The following SLC8A1 variants were observed in gnomAD, a reference collection of about 807,000 sequenced individuals.
SLC8A1 encodes sodium/calcium exchanger 1.
SLC8A1 carries 18 observed loss-of-function variants against 68.3 expected under a neutral mutation model. The ratio of observed to expected loss-of-function variants is 0.26; its 90% CI spans 0.18 to 0.39. SLC8A1 has a LOEUF of 0.39. Among genes scored for constraint, SLC8A1 ranks in the 10% least tolerant of loss-of-function variants. The pLI is 1.00. For synonymous variants in SLC8A1, 475 were observed against 415.5 expected (o/e 1.14, Z -1.74); for missense variants, 985 against 1,156.7 (o/e 0.85, Z 2.15).
At chr2:40,166,781 T>C (rs948007875) in intron 4 of SLC8A1, among the ~76,000 whole-genome samples, 8 of 152,236 alleles carry the variant, frequency 5.3e-5, no homozygotes, top group Admixed American at 2.6e-4. Context: ...TATTAGTAGT[T>C]TTCATAGCAG....
At chr2:40,320,163 G>GT (rs1225744287) in intron 2 of SLC8A1, among the ~76,000 whole-genome samples, 1 of 151,708 alleles carries the variant, frequency 6.6e-6, no homozygotes, top group African/African-American at 2.4e-5. Context: ...AGTTGCAGGT[G>GT]TTTTTTATTT....
intron 7 of SLC8A1, among the ~76,000 whole-genome samples, chr2:40,137,548 C>T (rs2040750656): frequency 6.6e-6 from 1 of 152,104 alleles, no homozygotes; most frequent in Non-Finnish European, 1.5e-5. Context: ...CTATAATTAC[C>T]TCAGATAGAA....
chr2:40,307,150 C>CACACAA (rs1161101957), intron 2 of SLC8A1, among the ~76,000 whole-genome samples: 1 of 150,606 alleles, frequency 6.6e-6, no homozygotes, highest in African/African-American at 2.5e-5. Context: ...GTGATATACA[C>CACACAA]ACACACACAC....
intron 2 of SLC8A1, among the ~76,000 whole-genome samples, chr2:40,399,755 C>T (rs796946163): frequency 6.6e-6 from 1 of 152,112 alleles, no homozygotes; most frequent in South Asian, 2.1e-4. Flanking sequence ...GTTGCTGAAA[C>T]TGACATAATG....
chr2:40,252,832 A>AAT, intron 2 of SLC8A1, among the ~76,000 whole-genome samples: 1 of 112,808 alleles, frequency 8.9e-6, no homozygotes. Context: ...ATGTATATAC[A>AAT]TGTGTATACA....
chr2:40,390,458 A>G (rs1259260447), intron 2 of SLC8A1, among the ~76,000 whole-genome samples: 1 of 152,144 alleles, frequency 6.6e-6, no homozygotes, highest in Non-Finnish European at 1.5e-5. Context: ...TGGTTCTCCA[A>G]GTAGAGTCCC....
chr2:40,452,522 C>G (rs909789319), upstream of SLC8A1, among the ~76,000 whole-genome samples: 16 of 152,200 alleles, frequency 1.1e-4, no homozygotes, highest in African/African-American at 3.9e-4. Context: ...TTCTTCTCTT[C>G]CGCAGACAGA....
intron 1 of SLC8A1, among the ~76,000 whole-genome samples, chr2:40,493,104 A>G (rs1475413859): frequency 6.6e-6 from 1 of 152,224 alleles, no homozygotes; most frequent in African/African-American, 2.4e-5. Context: ...CCAAATGTCC[A>G]ACAATAATAG....
intron 2 of SLC8A1, among the ~76,000 whole-genome samples, chr2:40,358,153 A>G (rs909459834): frequency 4.6e-5 from 7 of 151,830 alleles, no homozygotes; most frequent in Admixed American, 3.9e-4. Context: ...GCATTTATCC[A>G]TCCACTCATC....
At chr2:40,326,281 G>A (rs757831845) in intron 2 of SLC8A1, among the ~76,000 whole-genome samples, 2 of 152,062 alleles carry the variant, frequency 1.3e-5, no homozygotes, top group African/African-American at 4.8e-5. Flanking sequence ...TGCCTGTGCT[G>A]CTAAACCTCC....
chr2:40,298,430 T>C (rs2070821764), intron 2 of SLC8A1, among the ~76,000 whole-genome samples: 1 of 152,210 alleles, frequency 6.6e-6, no homozygotes, highest in African/African-American at 2.4e-5. Flanking sequence ...ATGGGTTTTA[T>C]GAAGACAGTC....
chr2:40,286,856 G>A (rs1459033068), intron 2 of SLC8A1, among the ~76,000 whole-genome samples: 1 of 152,186 alleles, frequency 6.6e-6, no homozygotes, highest in African/African-American at 2.4e-5. Context: ...TCTGATCAAA[G>A]TTATGATTGA....
chr2:40,407,592 C>T (rs548647605), intron 2 of SLC8A1, among the ~76,000 whole-genome samples: 2 of 152,260 alleles, frequency 1.3e-5, no homozygotes, highest in East Asian at 3.9e-4. Flanking sequence ...GTCCTCTGTC[C>T]TGAAAGAATA....
chr2:40,363,611 T>G (rs1055167239), intron 2 of SLC8A1, among the ~76,000 whole-genome samples: 4 of 152,156 alleles, frequency 2.6e-5, no homozygotes, highest in African/African-American at 9.6e-5. Flanking sequence ...AGTTGTTCAG[T>G]AGTTATTTAT....
intron 1 of SLC8A1, among the ~76,000 whole-genome samples, chr2:40,435,178 C>G (rs764852747): frequency 3.5e-4 from 54 of 152,188 alleles, no homozygotes; most frequent in Non-Finnish European, 1.3e-4. Context: ...GAATTCCCTT[C>G]TATGTAATTC....
chr2:40,141,943 C>T (rs954545436), intron 6 of SLC8A1, among the ~76,000 whole-genome samples: 1 of 152,010 alleles, frequency 6.6e-6, no homozygotes, highest in African/African-American at 2.4e-5. Flanking sequence ...AGATTGGCCT[C>T]AGGAGAAATC....
intron 6 of SLC8A1, among the ~76,000 whole-genome samples, chr2:40,154,609 G>C (rs1228159461): frequency 6.6e-6 from 1 of 150,554 alleles, no homozygotes; most frequent in South Asian, 2.1e-4. Context: ...TTACAGGTGT[G>C]AGCCACTGCG....
intron 2 of SLC8A1, among the ~76,000 whole-genome samples, chr2:40,392,238 G>A (rs192442903): frequency 6.7e-6 from 1 of 149,116 alleles, no homozygotes; most frequent in African/African-American, 2.5e-5. Flanking sequence ...GAAAAAGAAA[G>A]AGAAAGGAAG....
intron 7 of SLC8A1, among the ~76,000 whole-genome samples, chr2:40,132,728 TATC>T (rs143026167): frequency 6.6e-6 from 1 of 151,774 alleles, no homozygotes; most frequent in African/African-American, 2.4e-5. Context: ...CAGAAAAAAA[TATC>T]ATTTTCAGGG....
Sources: allele counts gnomAD v4.1 joint callset (sites outside exome capture counted in the v4.1 genomes callset), GRCh38; gene constraint gnomAD v4.1.1; transcripts MANE v1.5; gene names NCBI Gene and HGNC (gene_info 2026-07-23, HGNC 2026-07-21).